The following ZNF341 variants were observed in gnomAD, a reference collection of about 807,000 sequenced individuals.
ZNF341 encodes the protein zinc finger protein 341.
In ZNF341, 52 loss-of-function variants were observed where a neutral mutation model predicts 87.7. That is an observed-to-expected ratio of 0.59 (90% confidence interval 0.47 to 0.75). The LOEUF is 0.75. Among genes scored for constraint, ZNF341 ranks in the 30% least tolerant of loss-of-function variants. ZNF341 has a pLI of 0.00. For synonymous variants in ZNF341, 459 were observed against 472.7 expected, an observed-to-expected ratio of 0.97 and a Z score of 0.38; for missense variants, 977 against 1,145.9, an observed-to-expected ratio of 0.85 and a Z score of 2.13.
intron 13 of ZNF341, 148 bp downstream of exon 13, chr20:33,789,122 C>A: frequency 1.6e-6 from 1 of 632,144 alleles, no homozygotes; most frequent in Non-Finnish European, 2.7e-6. Flanking sequence ...GTCATCCAGG[C>A]TGGAGTGCAG....
At chr20:33,780,494 G>A (rs544381293) in intron 10 of ZNF341, among the ~76,000 whole-genome samples, 7 of 151,634 alleles carry the variant, frequency 4.6e-5, no homozygotes, top group East Asian at 2.0e-4. Flanking sequence ...TGCAACCTCC[G>A]CCTCCTGGGT....
intron 4 of ZNF341, among the ~76,000 whole-genome samples, chr20:33,751,040 G>C (rs2019044661): frequency 6.6e-6 from 1 of 152,120 alleles, no homozygotes; most frequent in Admixed American, 6.6e-5. Flanking sequence ...CTCCCAAAGT[G>C]CTGGGATTAC....
At chr20:33,759,927 G>A (rs913377971) in intron 7 of ZNF341, among the ~76,000 whole-genome samples, 1 of 152,198 alleles carries the variant, frequency 6.6e-6, no homozygotes, top group Non-Finnish European at 1.5e-5. Flanking sequence ...GAGCTGACCT[G>A]CACATCGTGG....
chr20:33,744,016 T>A (rs1400067276), intron 2 of ZNF341, among the ~76,000 whole-genome samples: 1 of 152,202 alleles, frequency 6.6e-6, no homozygotes, highest in Non-Finnish European at 1.5e-5. Context: ...GTGCAGTGGC[T>A]CACGCCTGTA....
chr20:33,748,438 C>T (rs1387110557), intron 3 of ZNF341, among the ~76,000 whole-genome samples: 3 of 152,094 alleles, frequency 2.0e-5, no homozygotes, highest in Non-Finnish European at 4.4e-5. Context: ...TTATTCTCCT[C>T]ATTTGTTTTT....
intron 1 of ZNF341, among the ~76,000 whole-genome samples, chr20:33,733,767 C>G (rs1262207314): frequency 1.3e-5 from 2 of 152,150 alleles, no homozygotes; most frequent in African/African-American, 4.8e-5. Flanking sequence ...CAAAGACTGA[C>G]TGAGACAGAC....
At chr20:33,780,805 A>T (rs1222250945) in intron 10 of ZNF341, among the ~76,000 whole-genome samples, 1 of 151,056 alleles carries the variant, frequency 6.6e-6, no homozygotes, top group Non-Finnish European at 1.5e-5. Context: ...TAACTTCAAA[A>T]CCCCTGGGCT....
chr20:33,753,360 C>T lies in ZNF341; in HGVS notation c.678C>T (p.Pro226=). The part of the protein sequence containing the change: ...GVVEVYSAAA[P]LAGSGTVEIQ... ...TGGAGGTGTACAGTGCTGCTGCGCC[C>T]CTGGCTGGGAGTGGAACGGTGGAGA... Residue 226 remains proline (P), a synonymous_variant, in exon 5 of 15, where the codon CCC becomes CCT. Coordinates refer to ENST00000375200, the MANE Select transcript of ZNF341 (RefSeq NM_001282933.2). The T allele has an allele frequency of 6.2e-7, 1 of 1,608,640 alleles. No individual in the cohort carries two copies. The highest frequency in any genetic ancestry group is 1.1e-5 in the South Asian group (1 of 90,386).
chr20:33,761,310 G>A lies in ZNF341; in HGVS notation c.1029-552G>A, dbSNP rs940500186. On this transcript the variant is annotated intron_variant, in intron 7 of 14. Transcript: ENST00000375200. The stretch of plus-strand genomic sequence containing the variant: ...GATGGAGTCTCACTCTGTCACCCAG[G>A]CTGGAGTGCAGTGGCGCAATCTTGG... Among the ~76,000 whole-genome samples, 6 of 152,142 alleles carry A rather than the reference G, an allele frequency of 3.9e-5. No individual in the cohort carries two copies. In the South Asian group the frequency reaches 8.3e-4, roughly 21 times the overall value.
intron 1 of ZNF341, among the ~76,000 whole-genome samples, chr20:33,739,061 C>T (rs1318069113): frequency 6.6e-6 from 1 of 152,194 alleles, no homozygotes; most frequent in Non-Finnish European, 1.5e-5. Context: ...ACCTCCACCT[C>T]CCGGGTTCAA....
chr20:33,751,270 C>G (rs549396612), intron 4 of ZNF341, among the ~76,000 whole-genome samples: 2 of 152,204 alleles, frequency 1.3e-5, no homozygotes, highest in East Asian at 3.9e-4. Context: ...CTAGAAGTTA[C>G]TGGCTGCGTT....
rs1325660229 is a variant in ZNF341, at chr20:33,791,417, A to T, written c.2465A>T (p.Glu822Val). The change falls in exon 15 of 15, where the codon GAG (glutamate) becomes GTG (valine). Residue 822 changes from glutamate to valine, a missense_variant. This residue lies in a region of ZNF341 where 221 missense variants were observed against 212.7 expected (regional missense o/e 1.04). Transcript: ENST00000375200. ...GAGCTGGTGGTACCTGGACACGCTG[A>T]GGGGCTGGGCTCCAACCTGGCTCTG... ...ETELVVPGHA[E>V]GLGSNLALAE... The T allele has an allele frequency of 1.2e-6, 2 of 1,611,826 alleles. No homozygotes were observed. Among genetic ancestry groups the T allele is most frequent in the South Asian group, 2.2e-5 (2 of 90,994 alleles).
At chr20:33,766,074 G>A (rs1298238362) in intron 8 of ZNF341, among the ~76,000 whole-genome samples, 4 of 151,962 alleles carry the variant, frequency 2.6e-5, no homozygotes, top group Admixed American at 2.6e-4. Context: ...TGGTAGAGAC[G>A]GGGTTTCACC....
Position 33,762,042 on chromosome 20 carries a change from C to A in ZNF341, c.1209C>A (p.Asp403Glu). ...CCCTGAACCCCAGCAGGCAGGAGGA[C>A]GAGGAAAGCACAGGTGGGTGGAAGT... Reference protein sequence around the residue: ...VMALNPSRQEDEESTGLGQPL... With the variant: ...VMALNPSRQEEEESTGLGQPL... The change falls in exon 8 of 15, where the codon GAC becomes GAA. Residue 403 changes from aspartate to glutamate, a missense_variant. Around this residue, in one of 3 missense-constraint regions of ZNF341, gnomAD observed 515 missense variants for 598.2 expected, o/e 0.86. Coordinates refer to ENST00000375200, the MANE Select transcript of ZNF341 (RefSeq NM_001282933.2). 1 of 1,559,040 alleles carries A rather than the reference C, an allele frequency of 6.4e-7. No individual in the cohort carries two copies. The highest frequency in any genetic ancestry group is 8.8e-7 in the Non-Finnish European group (1 of 1,140,726).
Position 33,777,683 on chromosome 20 carries a change from C to T in ZNF341, c.1623-3608C>T, listed in dbSNP as rs185051814. Among the ~76,000 whole-genome samples, 4 of 150,954 alleles carry T rather than the reference C, an allele frequency of 2.6e-5. No homozygotes were observed. In the East Asian group the frequency reaches 7.8e-4, roughly 29 times the overall value. ...AGAAATCAGGAAGTTAATATCAGTA[C>T]AATTCTATTATCTAATTACAGGCCT... On this transcript the variant is annotated intron_variant, in intron 10 of 14. Transcript: ENST00000375200.
intron 3 of ZNF341, among the ~76,000 whole-genome samples, chr20:33,745,967 G>C (rs6059449): frequency 0.058 from 7,785 of 134,796 alleles, 732 homozygotes; most frequent in African/African-American, 0.2. Context: ...GTCTTGCTCT[G>C]TTGCCCAGGC....
chr20:33,747,633 A>C (rs1199631185), intron 3 of ZNF341, among the ~76,000 whole-genome samples: 1 of 132,610 alleles, frequency 7.5e-6, no homozygotes, highest in Non-Finnish European at 1.5e-5. Context: ...AAAAAAAAAA[A>C]AAAAAAAAAC....
rs2018582586 is a variant in ZNF341 at position 33,732,222 on chromosome 20, G to A, written c.31+170G>A. Among the ~76,000 whole-genome samples, 1 of 149,808 alleles carries A rather than the reference G, an allele frequency of 6.7e-6. No homozygotes were observed. The highest frequency in any genetic ancestry group is 2.1e-4 in the South Asian group (1 of 4,808). ...GGGCGGGAACAGCGCGGGAGCCGAG[G>A]CCCGGCGGGGGAGCTCCGGGGCCGG... On this transcript the variant is annotated intron_variant, in intron 1 of 14. Transcript: ENST00000375200. The surrounding 1 kb of genome is among the most constrained non-coding windows in gnomAD (Gnocchi z 4.5).
chr20:33,753,568 A>G (rs1568940775), intron 5 of ZNF341, 145 bp downstream of exon 5: 5 of 1,090,186 alleles, frequency 4.6e-6, no homozygotes, highest in South Asian at 1.7e-5. Context: ...CATGGGGTGT[A>G]CCACATCACA....
Sources: allele counts gnomAD v4.1 joint callset (sites outside exome capture counted in the v4.1 genomes callset), GRCh38; gene constraint gnomAD v4.1.1; regional missense constraint gnomAD v4.1.1; non-coding constraint Gnocchi (gnomAD v3.1); transcripts MANE v1.5; gene names NCBI Gene and HGNC (gene_info 2026-07-23, HGNC 2026-07-21).